The following MYO1B variants were observed in gnomAD, a reference collection of about 807,000 sequenced individuals.
The protein encoded by MYO1B is myosin IB.
MYO1B carries 72 observed loss-of-function variants against 159.7 expected under a neutral mutation model. The ratio of observed to expected loss-of-function variants is 0.45; its 90% CI spans 0.37 to 0.55. The LOEUF (loss-of-function observed/expected upper bound fraction) is 0.55. MYO1B is among the 20% of genes least tolerant of loss of function. The pLI, the probability that MYO1B is intolerant of heterozygous loss-of-function variation, is 0.00. For synonymous variants in MYO1B, 468 were observed against 473.8 expected, an observed-to-expected ratio of 0.99 and a Z score of 0.16; for missense variants, 1,062 against 1,364.8, an observed-to-expected ratio of 0.78 and a Z score of 3.50.
At chr2:191,395,555 C>T (rs779004558) in intron 20 of MYO1B, among the ~76,000 whole-genome samples, 1 of 152,208 alleles carries the variant, frequency 6.6e-6, no homozygotes, top group Non-Finnish European at 1.5e-5. Flanking sequence ...GGGATGCCCC[C>T]ATGTTTCAGT....
chr2:191,246,054 A>G (rs1042329644), intron 1 of MYO1B: 1 of 152,120 alleles, frequency 6.6e-6, no homozygotes, highest in Non-Finnish European at 1.5e-5. Flanking sequence ...AGGGAGAACA[A>G]TGGGGCGTCC....
intron 3 of MYO1B, among the ~76,000 whole-genome samples, chr2:191,312,788 C>G (rs1257657756): frequency 2.0e-5 from 3 of 152,188 alleles, no homozygotes; most frequent in Non-Finnish European, 2.9e-5. Context: ...TATATTTGTA[C>G]TCCAGTGGCT....
At chr2:191,361,624 AT>A (rs1171526402) in intron 8 of MYO1B, among the ~76,000 whole-genome samples, 1 of 151,076 alleles carries the variant, frequency 6.6e-6, no homozygotes, top group African/African-American at 2.4e-5. Flanking sequence ...TACATATAGT[AT>A]AATATATGTA....
intron 2 of MYO1B, among the ~76,000 whole-genome samples, chr2:191,282,142 G>T (rs1352134322): frequency 2.0e-5 from 3 of 152,218 alleles, no homozygotes; most frequent in Non-Finnish European, 4.4e-5. Context: ...CACCTCATGG[G>T]TATAATCTCT....
At chr2:191,247,820 TCTCTGGC>T (rs938759019) in intron 1 of MYO1B, 65 of 484,218 alleles carry the variant, frequency 1.3e-4, no homozygotes, top group African/African-American at 1.1e-3. Flanking sequence ...TGGTCTCTGG[TCTCTGGC>T]CTCTGGCCGT....
At chr2:191,300,633 C>T (rs1481816852) in intron 3 of MYO1B, among the ~76,000 whole-genome samples, 9 of 11,358 alleles carry the variant, frequency 7.9e-4, no homozygotes, top group Admixed American at 8.5e-4. Flanking sequence ...TGACACTGTG[C>T]GCAGCCTTTT....
Position 191,285,725 on chromosome 2 carries a change from A to G in MYO1B, c.135+8695A>G, listed in dbSNP as rs574672072. Among the ~76,000 whole-genome samples, 240 of 152,336 alleles carry G rather than the reference A, an allele frequency of 1.6e-3. 1 individual carries two copies. The highest frequency in any genetic ancestry group is 5.7e-3 in the African/African-American group (235 of 41,586). ...GTAGAAAGTGAGGGAACCAGCTTGC[A>G]GCAGGCATGAAAGAAACAAGGGGAG... On this transcript the variant is annotated intron_variant, in intron 2 of 30. Transcript: ENST00000392318.
intron 1 of MYO1B, among the ~76,000 whole-genome samples, chr2:191,248,770 C>T (rs1685940914): frequency 6.6e-6 from 1 of 152,176 alleles, no homozygotes; most frequent in African/African-American, 2.4e-5. Flanking sequence ...TCCCAAAGTC[C>T]ATACTCTTTA....
At chr2:191,414,301 A>G in intron 28 of MYO1B, 121 bp downstream of exon 28, 2 of 1,270,558 alleles carry the variant, frequency 1.6e-6, no homozygotes, top group Non-Finnish European at 2.1e-6. Flanking sequence ...GAAGGCGGCT[A>G]TTTCCCCTTA....
intron 30 of MYO1B, among the ~76,000 whole-genome samples, chr2:191,421,242 G>A (rs1697919084): frequency 6.6e-6 from 1 of 151,732 alleles, no homozygotes; most frequent in Non-Finnish European, 1.5e-5. Context: ...GCTAATTTTT[G>A]TATTTTTAGT....
intron 2 of MYO1B, among the ~76,000 whole-genome samples, chr2:191,290,876 A>G (rs1688650043): frequency 6.6e-6 from 1 of 152,184 alleles, no homozygotes; most frequent in African/African-American, 2.4e-5. Context: ...GGAAGGTGAA[A>G]TAGAAGATAA....
At chr2:191,250,953 C>A (rs1414013687) in intron 1 of MYO1B, among the ~76,000 whole-genome samples, 1 of 152,072 alleles carries the variant, frequency 6.6e-6, no homozygotes, top group African/African-American at 2.4e-5. Context: ...AGCTGTTGTC[C>A]CTCTCCTTCC....
At chr2:191,413,910 G>A in intron 27 of MYO1B, 138 bp from the exon 28 acceptor site, 1 of 814,538 alleles carries the variant, frequency 1.2e-6, no homozygotes, top group Admixed American at 3.0e-5. Flanking sequence ...ACAGATGTAA[G>A]TGTAATATAT....
chr2:191,398,551 C>A (rs1332732719), intron 21 of MYO1B, among the ~76,000 whole-genome samples: 1 of 148,032 alleles, frequency 6.8e-6, no homozygotes, highest in Non-Finnish European at 1.5e-5. Context: ...ACTTCTCAGA[C>A]GGGGCGGCCG....
intron 3 of MYO1B, among the ~76,000 whole-genome samples, chr2:191,319,168 A>T (rs948206865): frequency 6.6e-6 from 1 of 152,184 alleles, no homozygotes; most frequent in African/African-American, 2.4e-5. Flanking sequence ...TAGCACTGAA[A>T]ACACCATAAA....
chr2:191,397,128 C>CTTTTTTTTTTTTTTTTTTTTTTTTTTT (rs796198342), intron 21 of MYO1B, among the ~76,000 whole-genome samples: 1 of 32,254 alleles, frequency 3.1e-5, no homozygotes, highest in Non-Finnish European at 9.0e-5. Flanking sequence ...AAGATGATTT[C>CTTTTTTTTTTTTTTTTTTTTTTTTTTT]TTTTTTTTTT....
At chr2:191,340,480 C>T (rs1692144987) in intron 4 of MYO1B, among the ~76,000 whole-genome samples, 1 of 152,074 alleles carries the variant, frequency 6.6e-6, no homozygotes, top group Non-Finnish European at 1.5e-5. Flanking sequence ...GGGATAAAAC[C>T]ACCAAAGACA....
intron 2 of MYO1B, 75 bp downstream of exon 2, chr2:191,277,105 G>T: frequency 6.6e-7 from 1 of 1,524,416 alleles, no homozygotes; most frequent in South Asian, 1.2e-5. Context: ...TTCTTCCTCA[G>T]ACTCTTCTTT....
At position 191,414,170 on chromosome 2, in the gene MYO1B, C is replaced by T; in HGVS notation, c.2996C>T (p.Ala999Val). ...IAEVVNKINRANGKSTSRIFL... is the reference protein window; with the variant it reads ...IAEVVNKINRVNGKSTSRIFL... ...GAAGTCGTGAACAAAATTAACCGTG[C>T]TAATGGGAAGGTAAAAATGCTAACC... Residue 999 changes from alanine (A) to valine (V), a missense_variant, in exon 28 of 31, where the codon GCT (alanine) becomes GTT (valine). Ala to Val is a moderately conservative substitution (Grantham distance 64). This residue lies in a region of MYO1B where 609 missense variants were observed against 744.4 expected (regional missense o/e 0.82). Transcript: ENST00000392318. 3 of 1,611,108 alleles carry T rather than the reference C, an allele frequency of 1.9e-6. No individual in the cohort carries two copies. Among genetic ancestry groups the T allele is most frequent in the Non-Finnish European group, 2.5e-6 (3 of 1,178,962 alleles).
Sources: allele counts gnomAD v4.1 joint callset (sites outside exome capture counted in the v4.1 genomes callset), GRCh38; gene constraint gnomAD v4.1.1; regional missense constraint gnomAD v4.1.1; transcripts MANE v1.5; gene names NCBI Gene and HGNC (gene_info 2026-07-23, HGNC 2026-07-21).